Variants in ZNF644 observed in about 807,000 individuals in gnomAD.
ZNF644 encodes zinc finger protein 644.
In ZNF644, 20 loss-of-function variants were observed where a neutral mutation model predicts 108.0. That is an observed-to-expected ratio of 0.19 (90% CI 0.13 to 0.27). The LOEUF is 0.27. ZNF644 is among the 10% of genes least tolerant of loss of function. ZNF644 has a pLI of 1.00. For synonymous variants in ZNF644, 542 were observed against 539.1 expected, an observed-to-expected ratio of 1.01 and a Z score of -0.08; for missense variants, 1,338 against 1,548.9, an observed-to-expected ratio of 0.86 and a Z score of 2.29.
chr1:90,940,466 A>G lies in ZNF644; in HGVS notation c.888T>C (p.Asp296=), dbSNP rs754825799. 6.2e-7 allele frequency: 1 copy of G among 1,613,630 alleles called. No individual in the cohort carries two copies. The highest frequency in any genetic ancestry group is 1.1e-5 in the South Asian group (1 of 91,056). The change falls in exon 3 of 6, where the codon GAT becomes GAC. Residue 296 remains aspartate (D), a synonymous_variant. Coordinates refer to ENST00000337393, the MANE Select transcript of ZNF644 (RefSeq NM_201269.3). ...CGGTATAACGAGTTATCTTGCTTAC[A>G]TCCATTTTTCGCTTTCTTTTTTTTT... ...GLEKKRKRKM[D]VSKITRYTED... is the part of the protein sequence containing the mutation.
At chr1:90,980,447 A>C (rs1234683402) in intron 2 of ZNF644, among the ~76,000 whole-genome samples, 1 of 152,208 alleles carries the variant, frequency 6.6e-6, no homozygotes, top group South Asian at 2.1e-4. Flanking sequence ...GCCGTGTTAT[A>C]AGGTTTACTA....
chr1:90,970,041 C>T (rs1655302754), intron 2 of ZNF644, among the ~76,000 whole-genome samples: 1 of 152,172 alleles, frequency 6.6e-6, no homozygotes, highest in Non-Finnish European at 1.5e-5. Context: ...ATGCTTTATG[C>T]TAAATGCTGA....
In ZNF644 at chr1:90,933,489, C is replaced by T. The variant is rs550249257; in HGVS notation, c.3688+3996G>A. 4.6e-5 allele frequency among the ~76,000 whole-genome samples: 7 copies of T among 152,110 alleles called. No homozygotes were observed. The East Asian group carries it at 1.4e-3, about 29-fold the overall frequency. On this transcript the variant is annotated intron_variant, in intron 4 of 5. Transcript: ENST00000337393. ...CCAGCCTGTCCAACATGGTAAAACCCCATCTCTACTAAAAATACAAAAAAA... is the reference window on the plus strand; with the variant it reads ...CCAGCCTGTCCAACATGGTAAAACCTCATCTCTACTAAAAATACAAAAAAA...
chr1:90,963,918 T>C (rs1000200497), intron 2 of ZNF644, among the ~76,000 whole-genome samples: 4 of 152,132 alleles, frequency 2.6e-5, no homozygotes, highest in African/African-American at 4.8e-5. Context: ...CCTGTAAGTA[T>C]TGTATTTAAA....
chr1:90,964,278 G>C (rs984121876), intron 2 of ZNF644, among the ~76,000 whole-genome samples: 3 of 151,590 alleles, frequency 2.0e-5, no homozygotes, highest in Non-Finnish European at 2.9e-5. Flanking sequence ...TACATATCTT[G>C]GAAAACATTA....
At chr1:90,987,977 CG>C (rs1557635114) in intron 1 of ZNF644, among the ~76,000 whole-genome samples, 2 of 152,068 alleles carry the variant, frequency 1.3e-5, no homozygotes, top group African/African-American at 4.8e-5. Context: ...AGACTGAAAG[CG>C]TTTCCTCTAA....
chr1:90,947,087 T>C (rs958591085), intron 2 of ZNF644, among the ~76,000 whole-genome samples: 2 of 152,138 alleles, frequency 1.3e-5, no homozygotes, highest in African/African-American at 2.4e-5. Context: ...GGCAAAATTA[T>C]GTAACAATAA....
chr1:90,934,986 G>A (rs1651165076), intron 4 of ZNF644, among the ~76,000 whole-genome samples: 1 of 152,000 alleles, frequency 6.6e-6, no homozygotes, highest in African/African-American at 2.4e-5. Context: ...CATTATAGCC[G>A]CTAACTCTTG....
intron 2 of ZNF644, among the ~76,000 whole-genome samples, chr1:90,950,221 G>A (rs1652949741): frequency 7.1e-6 from 1 of 140,036 alleles, no homozygotes; most frequent in Admixed American, 7.3e-5. Flanking sequence ...AGGTTGCAGT[G>A]AGCCGAGATC....
chr1:90,986,519 G>A (rs1235007604), intron 1 of ZNF644, among the ~76,000 whole-genome samples: 1 of 151,952 alleles, frequency 6.6e-6, no homozygotes, highest in Non-Finnish European at 1.5e-5. Flanking sequence ...CAAATGTACT[G>A]TACTAATGTA....
intron 1 of ZNF644, among the ~76,000 whole-genome samples, chr1:90,983,689 G>T (rs1409346404): frequency 2.0e-5 from 3 of 152,058 alleles, no homozygotes; most frequent in Non-Finnish European, 2.9e-5. Flanking sequence ...CACTTTGGGA[G>T]GCCAAGGTGG....
chr1:91,003,680 A>C (rs1659122973), intron 1 of ZNF644, among the ~76,000 whole-genome samples: 1 of 151,828 alleles, frequency 6.6e-6, no homozygotes, highest in Non-Finnish European at 1.5e-5. Context: ...TTAAAGTATA[A>C]TAATATCAAA....
chr1:91,004,359 A>T (rs1459938925), intron 1 of ZNF644, among the ~76,000 whole-genome samples: 1 of 152,188 alleles, frequency 6.6e-6, no homozygotes, highest in Non-Finnish European at 1.5e-5. Flanking sequence ...TAACATTAAC[A>T]ACTAATTTTT....
At chr1:90,961,650 C>T (rs926111133) in intron 2 of ZNF644, among the ~76,000 whole-genome samples, 1 of 152,036 alleles carries the variant, frequency 6.6e-6, no homozygotes, top group Non-Finnish European at 1.5e-5. Context: ...ACTCTTCTCA[C>T]TAAATTTTGT....
intron 1 of ZNF644, among the ~76,000 whole-genome samples, chr1:91,007,214 TC>T: frequency 6.9e-6 from 1 of 145,886 alleles, no homozygotes; most frequent in Non-Finnish European, 1.5e-5. Context: ...TCTTCCATTT[TC>T]TCCCATTTTG....
At chr1:90,963,468 A>G (rs1654532384) in intron 2 of ZNF644, among the ~76,000 whole-genome samples, 1 of 152,150 alleles carries the variant, frequency 6.6e-6, no homozygotes, top group South Asian at 2.1e-4. Flanking sequence ...CCAATGACCC[A>G]GATTCTAGTC....
At chr1:90,986,310 GAAAAGAA>G (rs1430493744) in intron 1 of ZNF644, among the ~76,000 whole-genome samples, 10 of 144,256 alleles carry the variant, frequency 6.9e-5, no homozygotes, top group South Asian at 6.6e-4. Flanking sequence ...CTGTTAAGGT[GAAAAGAA>G]AAAACAAAAA....
intron 2 of ZNF644, among the ~76,000 whole-genome samples, chr1:90,942,110 T>G (rs1278949089): frequency 4.6e-5 from 7 of 152,166 alleles, no homozygotes; most frequent in Non-Finnish European, 8.8e-5. Context: ...AACTTTCATA[T>G]GTGGGGCCTC....
intron 1 of ZNF644, among the ~76,000 whole-genome samples, chr1:90,996,529 A>T (rs1658161651): frequency 6.6e-6 from 1 of 152,208 alleles, no homozygotes; most frequent in Admixed American, 6.5e-5. Flanking sequence ...TTATGCCTAT[A>T]ATCCCAACTA....
Sources: allele counts gnomAD v4.1 joint callset (sites outside exome capture counted in the v4.1 genomes callset), GRCh38; gene constraint gnomAD v4.1.1; transcripts MANE v1.5; gene names NCBI Gene and HGNC (gene_info 2026-07-23, HGNC 2026-07-21).